The following DNMT3B variants were observed in gnomAD, a reference collection of about 807,000 sequenced individuals.
DNMT3B encodes DNA methyltransferase 3 beta.
In DNMT3B, 37 loss-of-function variants were observed where a neutral mutation model predicts 120.2. That is an observed-to-expected ratio of 0.31 (90% CI 0.24 to 0.40). DNMT3B has a LOEUF of 0.40. Ranked by LOEUF, DNMT3B falls within the 10% of genes least tolerant of loss-of-function variation. DNMT3B has a pLI of 1.00. For missense variants in DNMT3B, 878 were observed against 1,137.3 expected, an observed-to-expected ratio of 0.77 and a Z score of 3.28; for synonymous variants, 412 against 442.8, an observed-to-expected ratio of 0.93 and a Z score of 0.87.
intron 21 of DNMT3B, 84 bp downstream of exon 21, chr20:32,805,491 G>T (rs1307359633): frequency 6.5e-7 from 1 of 1,528,196 alleles, no homozygotes; most frequent in Non-Finnish European, 9.0e-7. Context: ...TGTTTGATTG[G>T]TTCCTACTCC....
intron 12 of DNMT3B, 104 bp downstream of exon 12, chr20:32,795,798 T>G: frequency 6.8e-7 from 1 of 1,479,626 alleles, no homozygotes; most frequent in African/African-American, 1.4e-5. Flanking sequence ...CCCAGAGCTC[T>G]GTTCCTTAAC....
chr20:32,798,306 G>A (rs549558455), intron 14 of DNMT3B, among the ~76,000 whole-genome samples, 154 bp from the exon 15 acceptor site: 7 of 152,306 alleles, frequency 4.6e-5, no homozygotes, highest in Admixed American at 3.9e-4. Flanking sequence ...AGGGAAGCCC[G>A]TACTGCACAG....
intron 1 of DNMT3B, among the ~76,000 whole-genome samples, chr20:32,775,799 T>A (rs1988037858): frequency 6.6e-6 from 1 of 152,256 alleles, no homozygotes; most frequent in African/African-American, 2.4e-5. Context: ...CTGTCTTGTC[T>A]CAGTTACGGC....
chr20:32,808,057 C>G lies in DNMT3B; in HGVS notation c.*154C>G, dbSNP rs1348394526. ...TCTTGCTCAGTGGGGGCAGAGCCAC[C>G]TGACTCTTGCAGGGGTAGCCTGAGG... On this transcript the variant is annotated 3_prime_UTR_variant, in exon 23 of 23. Coordinates refer to ENST00000328111, the MANE Select transcript of DNMT3B (RefSeq NM_006892.4). 1 of 1,328,890 alleles carries G rather than the reference C, an allele frequency of 7.5e-7. No individual in the cohort carries two copies. The highest frequency in any genetic ancestry group is 1.0e-6 in the Non-Finnish European group (1 of 962,886). 82.3% of individuals were successfully genotyped at this position (1,328,890 alleles called of 1,614,324 possible). A position where few individuals can be genotyped will look rare whatever the true frequency, so the allele number is the denominator to read the frequency against.
intron 20 of DNMT3B, 31 bp from the exon 21 acceptor site, chr20:32,805,307 G>T (rs1981841980): frequency 3.1e-6 from 5 of 1,614,130 alleles, no homozygotes; most frequent in Non-Finnish European, 4.2e-6. Context: ...TCTATAGCTA[G>T]TAAGAAGTAA....
chr20:32,771,117 G>C (rs1460253231), intron 1 of DNMT3B, among the ~76,000 whole-genome samples: 1 of 152,100 alleles, frequency 6.6e-6, no homozygotes, highest in East Asian at 1.9e-4. Context: ...TCAATACATA[G>C]TGTGCAAGGA....
rs144034337 is a variant in DNMT3B at position 32,786,555 on chromosome 20, C to G, written c.360C>G (p.Ser120=). 1.2e-6 allele frequency: 2 copies of G among 1,613,884 alleles called. No individual in the cohort carries two copies. Among genetic ancestry groups the G allele is most frequent in the African/African-American group, 2.7e-5 (2 of 74,946 alleles). ...SVSSRERHRP[S]PRSTRGRQGR... is the part of the protein sequence containing the mutation. ...CCAGCCGGGAGAGGCACAGGCCTTC[C>G]CCACGTTCCACCCGAGGCCGGCAGG... is the stretch of plus-strand genomic sequence containing the variant. The change falls in exon 5 of 23, where the codon TCC becomes TCG. Residue 120 remains serine (S), a synonymous_variant. Coordinates refer to ENST00000328111, the MANE Select transcript of DNMT3B (RefSeq NM_006892.4).
At chr20:32,780,157 G>A (rs780286949) in intron 1 of DNMT3B, 161 bp from the exon 2 acceptor site, 5 of 1,613,648 alleles carry the variant, frequency 3.1e-6, no homozygotes, top group Non-Finnish European at 4.2e-6. Flanking sequence ...TGAGGGGGAG[G>A]CTATGGGGGG....
rs955772228 is a variant in DNMT3B at position 32,807,846 on chromosome 20, C to A, written c.2505C>A (p.Ser835Arg). The A allele has an allele frequency of 6.2e-7, 1 of 1,614,110 alleles. No homozygotes were observed. The highest frequency in any genetic ancestry group is 8.5e-7 in the Non-Finnish European group (1 of 1,180,062). The change falls in exon 23 of 23, where the codon AGC (serine) becomes AGA (arginine). Residue 835 changes from serine (S) to arginine (R), a missense_variant. This residue lies in a region of DNMT3B where 334 missense variants were observed against 518.8 expected (regional missense o/e 0.64). Coordinates refer to ENST00000328111, the MANE Select transcript of DNMT3B (RefSeq NM_006892.4). ...AGAAGCTGCTGGGAAGGTCCTGGAG[C>A]GTGCCTGTCATCCGACACCTCTTCG... Reference protein sequence around the residue: ...ARQKLLGRSWSVPVIRHLFAP... With the variant: ...ARQKLLGRSWRVPVIRHLFAP...
rs947898006 is a variant in DNMT3B at position 32,799,140 on chromosome 20, G to A, written c.1675-104G>A. 68 of 1,296,662 alleles carry A rather than the reference G, an allele frequency of 5.2e-5. 1 individual carries two copies. The African/African-American group carries it at 7.0e-4, about 13-fold the overall frequency. 80.3% of individuals were successfully genotyped at this position (1,296,662 alleles called of 1,614,324 possible). On this transcript the variant is annotated intron_variant, in intron 15 of 22. Coordinates refer to ENST00000328111, the MANE Select transcript of DNMT3B (RefSeq NM_006892.4). ...TCAGTGGGCTTTTTGCAGTGGCTAC[G>A]GCAAGGTTTGAAGCCCTCTGAGCAG...
intron 16 of DNMT3B, 72 bp from the exon 17 acceptor site, chr20:32,800,081 C>T: frequency 6.3e-7 from 1 of 1,598,156 alleles, no homozygotes; most frequent in Non-Finnish European, 8.6e-7. Context: ...TTTACCATAG[C>T]AGGGAGTGGA....
chr20:32,805,894 G>A (rs571703554), intron 21 of DNMT3B, among the ~76,000 whole-genome samples: 9 of 152,228 alleles, frequency 5.9e-5, no homozygotes, highest in South Asian at 4.2e-4. Flanking sequence ...GGCCCCCCAC[G>A]TGATCTCGTT....
In DNMT3B at chr20:32,806,283, C is replaced by G. The variant is rs752580239; in HGVS notation, c.2376C>G (p.Val792=). The stretch of plus-strand genomic sequence containing the variant: ...GGAAAAACCAACTTTTCCCTGTTGT[C>G]ATGAATGGCAAAGAAGATGTTTTGT... The part of the protein sequence containing the change: ...KQGKNQLFPV[V]MNGKEDVLWC... Residue 792 remains valine, a synonymous_variant, in exon 22 of 23, where the codon GTC becomes GTG. Transcript: ENST00000328111. 6.2e-7 allele frequency: 1 copy of G among 1,614,066 alleles called. No individual in the cohort carries two copies. Among genetic ancestry groups the G allele is most frequent in the African/African-American group, 1.3e-5 (1 of 74,912 alleles).
intron 1 of DNMT3B, among the ~76,000 whole-genome samples, chr20:32,763,970 G>A (rs1987137781): frequency 6.6e-6 from 1 of 152,206 alleles, no homozygotes; most frequent in African/African-American, 2.4e-5. Context: ...CAGGCCTGCT[G>A]GGGCTTCTTG....
chr20:32,796,964 G>A (rs1215372389), intron 13 of DNMT3B, 95 bp downstream of exon 13: 2 of 1,613,764 alleles, frequency 1.2e-6, no homozygotes, highest in East Asian at 4.5e-5. Context: ...ACTCAGTGAA[G>A]CCCACTCATC....
rs180865610 is a variant in DNMT3B at position 32,798,453 on chromosome 20, G to T, written c.1491-7G>T. 68 of 1,614,196 alleles carry T rather than the reference G, an allele frequency of 4.2e-5. No homozygotes were observed. The highest frequency in any genetic ancestry group is 5.6e-5 in the Non-Finnish European group (66 of 1,180,038). On this transcript the variant is annotated splice_region_variant and splice_polypyrimidine_tract_variant and intron_variant, in intron 14 of 22. Transcript: ENST00000328111. ...AAGGCATCCCTTCTCCCTGCCACTGGGTCCAGGTGTTTCTGTGTGGAGTGC... is the reference window on the plus strand; with the variant it reads ...AAGGCATCCCTTCTCCCTGCCACTGTGTCCAGGTGTTTCTGTGTGGAGTGC...
At chr20:32,803,810 C>G (rs781297011) in intron 20 of DNMT3B, among the ~76,000 whole-genome samples, 24 of 152,158 alleles carry the variant, frequency 1.6e-4, no homozygotes, top group African/African-American at 5.8e-4. Context: ...AGAGAAGGAC[C>G]AAGTAACTTG....
At chr20:32,796,570 G>C (rs745906057) in intron 12 of DNMT3B, among the ~76,000 whole-genome samples, 1 of 152,166 alleles carries the variant, frequency 6.6e-6, no homozygotes, top group Non-Finnish European at 1.5e-5. Context: ...TCCTACTGGG[G>C]CAGCCCCTTG....
At chr20:32,795,572 A>G in intron 11 of DNMT3B, 38 bp downstream of exon 11, 2 of 1,614,024 alleles carry the variant, frequency 1.2e-6, no homozygotes, top group South Asian at 1.1e-5. Context: ...GACAGATGGG[A>G]GGAGGACGCT....
Sources: gnomAD v4.1 joint callset for allele counts (sites outside exome capture counted in the v4.1 genomes callset) on GRCh38, gnomAD v4.1.1 for gene constraint, gnomAD v4.1.1 regional missense constraint, MANE v1.5 for transcripts, NCBI Gene and HGNC (gene_info 2026-07-23, HGNC 2026-07-21) for gene names.